The following ECM2 variants were observed in gnomAD, a reference collection of about 807,000 sequenced individuals.
ECM2 encodes extracellular matrix protein 2, also known as extracellular matrix protein 2, female organ and adipocyte specific.
A neutral mutation model predicts 67.5 loss-of-function variants in ECM2; 57 were observed. The ratio of observed to expected loss-of-function variants is 0.84; its 90% CI spans 0.68 to 1.05. The LOEUF (loss-of-function observed/expected upper bound fraction) is 1.05. ECM2 is among the 50% of genes least tolerant of loss of function. The pLI is 0.00. For missense variants in ECM2, 741 were observed against 822.8 expected (o/e 0.90, Z 1.22); for synonymous variants, 258 against 294.5 (o/e 0.88, Z 1.27).
At position 92,524,287 on chromosome 9, in the gene ECM2, C is replaced by A. The variant is rs565383545; in HGVS notation, c.-27-1394G>T. On this transcript the variant is annotated intron_variant, in intron 1 of 9. Transcript: ENST00000344604. Reference sequence around the variant, plus strand: ...TCAGGAAGAGTAACTCTTTAATTAGCTGGTCTCAGGGTTAGTATAGGGCCT... The same window carrying A: ...TCAGGAAGAGTAACTCTTTAATTAGATGGTCTCAGGGTTAGTATAGGGCCT... 2.6e-5 allele frequency among the ~76,000 whole-genome samples: 4 copies of A among 152,234 alleles called. No individual in the cohort carries two copies. In the East Asian group the frequency reaches 7.7e-4, roughly 29 times the overall value.
At chr9:92,506,570 G>A (rs1847020018) in intron 6 of ECM2, among the ~76,000 whole-genome samples, 2 of 152,194 alleles carry the variant, frequency 1.3e-5, no homozygotes, top group African/African-American at 4.8e-5. Context: ...CATGGGCATT[G>A]CACCGAATGC....
Position 92,496,500 on chromosome 9 carries a change from A to T in ECM2, c.1932-17T>A. 6.2e-7 allele frequency: 1 copy of T among 1,604,524 alleles called. No homozygotes were observed. Among genetic ancestry groups the T allele is most frequent in the Non-Finnish European group, 8.5e-7 (1 of 1,177,874 alleles). ...AGAATGTTCCTAAGGAAAAATAGAC[A>T]TGCAAGTCACACATGGTCCCAGTAA... is the stretch of plus-strand genomic sequence containing the variant. On this transcript the variant is annotated splice_polypyrimidine_tract_variant and intron_variant, in intron 9 of 9. Transcript: ENST00000344604.
At chr9:92,520,448 TA>T (rs1197284209) in intron 2 of ECM2, among the ~76,000 whole-genome samples, 1 of 152,058 alleles carries the variant, frequency 6.6e-6, no homozygotes, top group East Asian at 1.9e-4. Context: ...CAGCTATAAT[TA>T]AAAATAAATA....
chr9:92,551,590 T>G, the ECM2 span, among the ~76,000 whole-genome samples: 1 of 152,094 alleles, frequency 6.6e-6, no homozygotes, highest in Non-Finnish European at 1.5e-5. Flanking sequence ...AGTTGTTTAG[T>G]GGTGATTTGT....
chr9:92,515,870 T>G (rs979074035), intron 3 of ECM2, among the ~76,000 whole-genome samples: 4 of 152,184 alleles, frequency 2.6e-5, no homozygotes, highest in African/African-American at 9.6e-5. Context: ...TTGCTTTAAC[T>G]TAGACATATG....
At chr9:92,552,385 G>T in the ECM2 span, among the ~76,000 whole-genome samples, 1 of 152,110 alleles carries the variant, frequency 6.6e-6, no homozygotes, top group Admixed American at 6.5e-5. Flanking sequence ...GGATCAACTG[G>T]TGGTTCTACT....
Position 92,505,521 on chromosome 9 carries a change from A to T in ECM2, c.1464+12T>A. 1 of 1,576,488 alleles carries T rather than the reference A, an allele frequency of 6.3e-7. No homozygotes were observed. Among genetic ancestry groups the T allele is most frequent in the African/African-American group, 1.4e-5 (1 of 72,704 alleles). On this transcript the variant is annotated intron_variant, in intron 7 of 9. Transcript: ENST00000344604. ...ATAATACATTTAAAACACTAAAAAA[A>T]TATATTGTTACCTCAATAGAACCAG...
At chr9:92,545,564 C>A in the ECM2 span, among the ~76,000 whole-genome samples, 358 of 152,358 alleles carry the variant, frequency 2.3e-3, 1 homozygote, top group African/African-American at 8.2e-3. Flanking sequence ...CCGAGCCTCC[C>A]CGACGAGCTC....
At chr9:92,533,325 AAAAATATATATAT>A (rs1563991392) in intron 1 of ECM2, among the ~76,000 whole-genome samples, 1 of 93,132 alleles carries the variant, frequency 1.1e-5, no homozygotes, top group Non-Finnish European at 2.1e-5. Flanking sequence ...AAAAAAAAAA[AAAAATATATATAT>A]ATATATATAT....
chr9:92,529,924 G>A (rs571799799), intron 1 of ECM2, among the ~76,000 whole-genome samples: 11 of 152,258 alleles, frequency 7.2e-5, no homozygotes, highest in Admixed American at 6.5e-4. Flanking sequence ...AGCGAAAAAT[G>A]TAGTTTGGCC....
chr9:92,511,539 T>A (rs1377802449), intron 5 of ECM2, among the ~76,000 whole-genome samples: 1 of 152,104 alleles, frequency 6.6e-6, no homozygotes, highest in Non-Finnish European at 1.5e-5. Flanking sequence ...TATCCCTAAT[T>A]TTTATATGAG....
chr9:92,502,525 C>A lies in ECM2; in HGVS notation c.1592G>T (p.Trp531Leu). 1 of 1,612,286 alleles carries A rather than the reference C, an allele frequency of 6.2e-7. No individual in the cohort carries two copies. Residue 531 changes from tryptophan (W) to leucine (L), a missense_variant, in exon 8 of 10, where the codon TGG becomes TTG. Transcript: ENST00000344604. ...AGCATGTACTTACTCTTGATTTATCCAGGCTAAAGGAGCAATCCTATTTTC... is the reference window on the plus strand; with the variant it reads ...AGCATGTACTTACTCTTGATTTATCAAGGCTAAAGGAGCAATCCTATTTTC... ...IEENRIAPLA[W>L]INQENLESID...
the ECM2 span, among the ~76,000 whole-genome samples, chr9:92,543,859 A>G: frequency 6.6e-6 from 1 of 152,158 alleles, no homozygotes; most frequent in Admixed American, 6.5e-5. Context: ...TATACAGAAA[A>G]GCTACTGATT....
chr9:92,557,067 T>C, the ECM2 span, among the ~76,000 whole-genome samples: 13 of 152,242 alleles, frequency 8.5e-5, no homozygotes, highest in Admixed American at 8.5e-4. Context: ...TGAAAACGAC[T>C]ATATCTTTCC....
downstream of ECM2, chr9:92,493,912 G>A (rs930014051): frequency 3.8e-5 from 18 of 476,080 alleles, no homozygotes; most frequent in African/African-American, 8.0e-5. Flanking sequence ...CCCACAGTGC[G>A]TCTGCTCCAC....
intron 2 of ECM2, among the ~76,000 whole-genome samples, chr9:92,519,550 T>G (rs964104827): frequency 6.6e-5 from 10 of 152,162 alleles, no homozygotes; most frequent in African/African-American, 2.4e-4. Flanking sequence ...TCAAGACCAT[T>G]CAGTGGAGGA....
chr9:92,521,558 T>C (rs1848072214), intron 2 of ECM2, among the ~76,000 whole-genome samples: 1 of 152,190 alleles, frequency 6.6e-6, no homozygotes, highest in Non-Finnish European at 1.5e-5. Context: ...GAACATTATA[T>C]GGTGATATTT....
chr9:92,502,082 A>G (rs922348665), intron 8 of ECM2, among the ~76,000 whole-genome samples: 59 of 152,346 alleles, frequency 3.9e-4, no homozygotes, highest in African/African-American at 1.3e-3. Flanking sequence ...GAGAAGGAGT[A>G]TGGCAGATTT....
At chr9:92,555,674 T>C in the ECM2 span, among the ~76,000 whole-genome samples, 1 of 152,192 alleles carries the variant, frequency 6.6e-6, no homozygotes. Context: ...ATTGTATGTG[T>C]GTATAGGTGT....
Sources: allele counts gnomAD v4.1 joint callset (sites outside exome capture counted in the v4.1 genomes callset), GRCh38; gene constraint gnomAD v4.1.1; transcripts MANE v1.5; gene names NCBI Gene and HGNC (gene_info 2026-07-23, HGNC 2026-07-21).